Variants in RHOU observed in about 807,000 individuals in gnomAD.
RHOU encodes the protein rho-related GTP-binding protein RhoU.
In RHOU, 8 loss-of-function variants were observed where a neutral mutation model predicts 12.6. The observed-to-expected ratio is 0.64, with a 90% CI of 0.37 to 1.15. The LOEUF (loss-of-function observed/expected upper bound fraction) is 1.15. Ranked by LOEUF, RHOU falls within the 50% of genes most tolerant of loss-of-function variation. The probability of loss-of-function intolerance (pLI) is 0.01; values close to 1 mark genes in which losing one functional copy is unlikely to be tolerated. For synonymous variants in RHOU, 161 were observed against 147.4 expected, an observed-to-expected ratio of 1.09 and a Z score of -0.67; for missense variants, 258 against 347.0, an observed-to-expected ratio of 0.74 and a Z score of 2.04.
chr1:228,736,989 A>C (rs542949327), intron 1 of RHOU, among the ~76,000 whole-genome samples: 1 of 139,724 alleles, frequency 7.2e-6, no homozygotes, highest in Non-Finnish European at 1.5e-5. Flanking sequence ...AAACAATTAG[A>C]AAGTTGTGTA....
chr1:228,664,017 C>CT, the RHOU span, among the ~76,000 whole-genome samples: 2 of 131,014 alleles, frequency 1.5e-5, no homozygotes, highest in Admixed American at 1.6e-4. Flanking sequence ...CTCCCCTCTC[C>CT]TTTTTTTCTC....
the RHOU span, among the ~76,000 whole-genome samples, chr1:228,684,699 C>T: frequency 6.6e-6 from 1 of 152,076 alleles, no homozygotes. Context: ...GCAGCCACCC[C>T]CATAAGGCAG....
At chr1:228,648,968 A>T in the RHOU span, among the ~76,000 whole-genome samples, 4 of 151,778 alleles carry the variant, frequency 2.6e-5, no homozygotes, top group African/African-American at 9.7e-5. Flanking sequence ...GGTTAAAGCC[A>T]TTCTCTCGCC....
the RHOU span, among the ~76,000 whole-genome samples, chr1:228,672,752 T>C: frequency 6.6e-6 from 1 of 152,234 alleles, no homozygotes; most frequent in African/African-American, 2.4e-5. Context: ...TCCGGGGGTA[T>C]GATCCAAACT....
chr1:228,678,361 C>T, the RHOU span, among the ~76,000 whole-genome samples: 4 of 152,104 alleles, frequency 2.6e-5, no homozygotes, highest in South Asian at 4.1e-4. Flanking sequence ...AAGTTTCAGT[C>T]GGTGAGTAGG....
the RHOU span, among the ~76,000 whole-genome samples, chr1:228,658,851 T>G: frequency 6.6e-6 from 1 of 152,152 alleles, no homozygotes; most frequent in Non-Finnish European, 1.5e-5. Context: ...TACTGTATTT[T>G]CAATCTGCCT....
At chr1:228,710,013 A>C in the RHOU span, among the ~76,000 whole-genome samples, 29 of 152,126 alleles carry the variant, frequency 1.9e-4, no homozygotes, top group Non-Finnish European at 2.6e-4. Flanking sequence ...AAACTACCAT[A>C]AGAGAATACT....
At chr1:228,683,219 G>C in the RHOU span, among the ~76,000 whole-genome samples, 1 of 152,160 alleles carries the variant, frequency 6.6e-6, no homozygotes, top group Non-Finnish European at 1.5e-5. Flanking sequence ...ACCTAATCAT[G>C]GTTTGAAGGA....
chr1:228,707,920 G>T, the RHOU span, among the ~76,000 whole-genome samples: 1 of 152,136 alleles, frequency 6.6e-6, no homozygotes, highest in African/African-American at 2.4e-5. Flanking sequence ...AAAAAATTTA[G>T]AAGAATATAT....
the RHOU span, among the ~76,000 whole-genome samples, chr1:228,648,699 G>A: frequency 2.6e-5 from 4 of 152,030 alleles, no homozygotes; most frequent in African/African-American, 7.2e-5. Context: ...AATTTCACAT[G>A]CTTTTACTTT....
At chr1:228,709,861 G>A in the RHOU span, among the ~76,000 whole-genome samples, 2 of 151,876 alleles carry the variant, frequency 1.3e-5, no homozygotes, top group Non-Finnish European at 2.9e-5. Context: ...AAAAATTAAC[G>A]AATCCAGGAG....
At chr1:228,717,366 A>G in the RHOU span, among the ~76,000 whole-genome samples, 1 of 152,242 alleles carries the variant, frequency 6.6e-6, no homozygotes, top group East Asian at 1.9e-4. Flanking sequence ...ACTATTCATA[A>G]GCAACAGATT....
At chr1:228,734,476 G>A (rs1314217850), upstream of RHOU, among the ~76,000 whole-genome samples, 1 of 152,164 alleles carries the variant, frequency 6.6e-6, no homozygotes, top group Non-Finnish European at 1.5e-5. Flanking sequence ...ATCCCAAAAC[G>A]TTACTTAATA....
At chr1:228,717,923 T>C in the RHOU span, among the ~76,000 whole-genome samples, 1 of 152,206 alleles carries the variant, frequency 6.6e-6, no homozygotes, top group Non-Finnish European at 1.5e-5. Flanking sequence ...CATTAACACA[T>C]TGGACCAGCA....
At chr1:228,699,266 G>A in the RHOU span, among the ~76,000 whole-genome samples, 1 of 151,116 alleles carries the variant, frequency 6.6e-6, no homozygotes, top group African/African-American at 2.4e-5. Context: ...GGCAACAAGA[G>A]TGAGACCCAA....
chr1:228,695,931 C>T, the RHOU span, among the ~76,000 whole-genome samples: 2 of 152,310 alleles, frequency 1.3e-5, no homozygotes, highest in South Asian at 4.1e-4. Flanking sequence ...TTTCAGGTGA[C>T]CAGTCCTGAA....
At chr1:228,683,108 C>T in the RHOU span, among the ~76,000 whole-genome samples, 1 of 152,116 alleles carries the variant, frequency 6.6e-6, no homozygotes, top group Non-Finnish European at 1.5e-5. Context: ...AAATTGCCAC[C>T]CTTGGGATCT....
At chr1:228,693,676 C>T in the RHOU span, among the ~76,000 whole-genome samples, 3 of 152,152 alleles carry the variant, frequency 2.0e-5, no homozygotes, top group African/African-American at 7.2e-5. Context: ...CCGTATTGGC[C>T]AGGCTGGTCT....
chr1:228,704,318 A>G, the RHOU span, among the ~76,000 whole-genome samples: 1 of 152,168 alleles, frequency 6.6e-6, no homozygotes, highest in African/African-American at 2.4e-5. Context: ...AGGTTGTGTC[A>G]TGGTCACGCG....
Sources: gnomAD v4.1 joint callset for allele counts (sites outside exome capture counted in the v4.1 genomes callset) on GRCh38, gnomAD v4.1.1 for gene constraint, MANE v1.5 for transcripts, NCBI Gene and HGNC (gene_info 2026-07-23, HGNC 2026-07-21) for gene names.